Variants in AHCYL2 observed in about 807,000 individuals in gnomAD.
AHCYL2 encodes S-adenosylhomocysteine hydrolase-like protein 2.
In AHCYL2, 28 loss-of-function variants were observed where a neutral mutation model predicts 81.4. That is an observed-to-expected ratio of 0.34 (90% CI 0.25 to 0.47). The LOEUF (loss-of-function observed/expected upper bound fraction) is 0.47, where lower values mean the gene tolerates loss of function less well. Among genes scored for constraint, AHCYL2 ranks in the 20% least tolerant of loss-of-function variants. The probability of loss-of-function intolerance (pLI) is 1.00; values close to 1 mark genes in which losing one functional copy is unlikely to be tolerated. For missense variants in AHCYL2, 551 were observed against 785.1 expected (o/e 0.70, Z 3.56); for synonymous variants, 272 against 290.2 (o/e 0.94, Z 0.64).
chr7:129,335,272 T>C (rs1473674656), intron 1 of AHCYL2, among the ~76,000 whole-genome samples: 1 of 151,620 alleles, frequency 6.6e-6, no homozygotes, highest in Non-Finnish European at 1.5e-5. Context: ...ACTGGGGAGG[T>C]TGAAGCAGGA....
At chr7:129,352,434 T>C (rs946027571) in intron 1 of AHCYL2, among the ~76,000 whole-genome samples, 36 of 152,134 alleles carry the variant, frequency 2.4e-4, no homozygotes, top group Non-Finnish European at 1.5e-4. Context: ...TACCTATCTA[T>C]ATATATACTG....
chr7:129,305,813 C>T (rs1229258616), intron 1 of AHCYL2, among the ~76,000 whole-genome samples: 1 of 152,126 alleles, frequency 6.6e-6, no homozygotes, highest in Non-Finnish European at 1.5e-5. Flanking sequence ...TTTTGTATGT[C>T]TGGGAAAGTC....
Position 129,225,314 on chromosome 7 carries a change from G to T in AHCYL2, c.238G>T (p.Val80Leu), listed in dbSNP as rs1794170405. 1.3e-6 allele frequency: 2 copies of T among 1,486,852 alleles called. No homozygotes were observed. Among genetic ancestry groups the T allele is most frequent in the South Asian group, 1.3e-5 (1 of 79,158 alleles). The allele number at this position is 1,486,852 out of a possible 1,614,324, so 92.1% of individuals were successfully genotyped here. ...CGCTCTCAGCCCCGCCGCCGGGAAGGTGCCTCAGGCGTCGGCCATGAAGCG... is the reference window on the plus strand; with the variant it reads ...CGCTCTCAGCCCCGCCGCCGGGAAGTTGCCTCAGGCGTCGGCCATGAAGCG... The part of the protein sequence containing the change: ...AAALSPAAGK[V>L]PQASAMKRSD... The change falls in exon 1 of 17, where the codon GTG becomes TTG. Residue 80 changes from valine (V) to leucine (L), a missense_variant. Val to Leu is a conservative substitution (Grantham distance 32, BLOSUM62 1). This residue lies in a region of AHCYL2 where 235 missense variants were observed against 242.1 expected (regional missense o/e 0.97). Transcript: ENST00000325006.
intron 7 of AHCYL2, among the ~76,000 whole-genome samples, chr7:129,403,860 CAAAAAAAAAA>C (rs34806455): frequency 1.2e-4 from 10 of 80,214 alleles, no homozygotes; most frequent in Admixed American, 2.9e-4. Context: ...GACTCCATCT[CAAAAAAAAAA>C]AAAAAAAAAA....
chr7:129,397,160 T>G, intron 4 of AHCYL2, 62 bp from the exon 5 acceptor site: 1 of 1,372,482 alleles, frequency 7.3e-7, no homozygotes, highest in African/African-American at 1.5e-5. Context: ...TATATAAACT[T>G]TATCTCCTTG....
chr7:129,351,165 A>G (rs1022860652), intron 1 of AHCYL2, among the ~76,000 whole-genome samples: 1 of 152,196 alleles, frequency 6.6e-6, no homozygotes, highest in African/African-American at 2.4e-5. Context: ...ATTTTAAAAC[A>G]AGTCAAAGAT....
intron 1 of AHCYL2, among the ~76,000 whole-genome samples, chr7:129,313,845 G>A (rs1417723192): frequency 2.0e-5 from 3 of 152,086 alleles, no homozygotes; most frequent in African/African-American, 4.8e-5. Context: ...AGTTTAATTG[G>A]TAACACTTTC....
intron 1 of AHCYL2, chr7:129,351,491 G>A (rs766926103): frequency 3.3e-5 from 5 of 152,030 alleles, no homozygotes; most frequent in African/African-American, 7.2e-5. Flanking sequence ...AAAAGACAAA[G>A]GACATTTTAG....
chr7:129,335,606 C>T (rs1270477164), intron 1 of AHCYL2, among the ~76,000 whole-genome samples: 1 of 152,098 alleles, frequency 6.6e-6, no homozygotes, highest in Non-Finnish European at 1.5e-5. Flanking sequence ...TCAGATGGGG[C>T]TACAGTCATC....
chr7:129,424,628 C>A, intron 13 of AHCYL2: 3 of 558,404 alleles, frequency 5.4e-6, no homozygotes, highest in Non-Finnish European at 9.6e-6. Context: ...GTCATATGAC[C>A]ATCTGTATTC....
rs1794190559 is a variant in AHCYL2 at position 129,368,031 on chromosome 7, C to G, written c.364-11607C>G. 3.3e-6 allele frequency: 3 copies of G among 903,682 alleles called. No homozygotes were observed. In the African/African-American group the frequency reaches 5.4e-5, roughly 16 times the overall value. The allele number at this position is 903,682 out of a possible 1,614,324, so 56.0% of individuals were successfully genotyped here. On this transcript the variant is annotated intron_variant, in intron 1 of 16. Coordinates refer to ENST00000325006, the MANE Select transcript of AHCYL2 (RefSeq NM_015328.4). The surrounding 1 kb of genome is among the most constrained non-coding windows in gnomAD (Gnocchi z 4.4). ...ACTCTTGAGAAATGGGAGTGCCTTC[C>G]TGACCTCAGTCTTTATTGATCTTGG...
chr7:129,424,831 G>A lies in AHCYL2; in HGVS notation c.1561-43G>A, dbSNP rs556086177. The A allele has an allele frequency of 5.0e-6, 8 of 1,609,048 alleles. No individual in the cohort carries two copies. In the South Asian group the frequency reaches 6.6e-5, roughly 13 times the overall value. ...CTTCCCTCACTTCTCAAAGGCCAGC[G>A]ACTTTGTCCTAATCCATTTGTGTCT... On this transcript the variant is annotated intron_variant, in intron 13 of 16. Transcript: ENST00000325006.
chr7:129,403,718 G>C (rs1463782869), intron 7 of AHCYL2, among the ~76,000 whole-genome samples: 1 of 151,720 alleles, frequency 6.6e-6, no homozygotes, highest in African/African-American at 2.4e-5. Flanking sequence ...AAAAAAATTA[G>C]CCTGGTGTGG....
Position 129,425,056 on chromosome 7 carries a change from T to C in AHCYL2, c.1630-7T>C. The stretch of plus-strand genomic sequence containing the variant: ...GCACATCAGCATCCATCTCTCTGCT[T>C]TTCTAGGCTCTTGCCTTGATAGAGC... On this transcript the variant is annotated splice_polypyrimidine_tract_variant and splice_region_variant and intron_variant, in intron 14 of 16. Coordinates refer to ENST00000325006, the MANE Select transcript of AHCYL2 (RefSeq NM_015328.4). 1 of 1,613,898 alleles carries C rather than the reference T, an allele frequency of 6.2e-7. No homozygotes were observed. The highest frequency in any genetic ancestry group is 1.1e-5 in the South Asian group (1 of 91,078).
intron 6 of AHCYL2, among the ~76,000 whole-genome samples, chr7:129,400,670 A>G (rs1445562568): frequency 6.6e-6 from 1 of 152,142 alleles, no homozygotes; most frequent in Non-Finnish European, 1.5e-5. Flanking sequence ...TGGCTGGTTA[A>G]AAAACAATAG....
At chr7:129,287,229 G>A (rs1796669018) in intron 1 of AHCYL2, among the ~76,000 whole-genome samples, 1 of 152,100 alleles carries the variant, frequency 6.6e-6, no homozygotes, top group South Asian at 2.1e-4. Flanking sequence ...TAATCTTAGG[G>A]TTATCATGAA....
At position 129,228,152 on chromosome 7, in the gene AHCYL2, T is replaced by C. The variant is rs542655831; in HGVS notation, c.363+2713T>C. Among the ~76,000 whole-genome samples the C allele has an allele frequency of 1.1e-4, 16 of 152,344 alleles. No individual in the cohort carries two copies. The South Asian group carries it at 3.1e-3, about 30-fold the overall frequency. ...TATGAAGGAACTGAGAATACTAGTA[T>C]TGAAATAGCTGCCTTTGGCTGTGGA... is the stretch of plus-strand genomic sequence containing the variant. On this transcript the variant is annotated intron_variant, in intron 1 of 16. Transcript: ENST00000325006.
chr7:129,401,030 G>A (rs980276132), intron 6 of AHCYL2, among the ~76,000 whole-genome samples: 1 of 152,074 alleles, frequency 6.6e-6, no homozygotes, highest in Non-Finnish European at 1.5e-5. Flanking sequence ...TTGCAAAGAG[G>A]CAAAAAGCTA....
Position 129,368,548 on chromosome 7 carries a change from G to A in AHCYL2, c.364-11090G>A. On this transcript the variant is annotated intron_variant, in intron 1 of 16. Coordinates refer to ENST00000325006, the MANE Select transcript of AHCYL2 (RefSeq NM_015328.4). This position sits in a 1 kb window ranked among gnomAD's most constrained non-coding sequence, Gnocchi z 4.4. ...CCTCAGCTTTTCACATGCCTGAGTGGATGGTGAGTTCACTGGTCGTTTTGT... is the reference window on the plus strand; with the variant it reads ...CCTCAGCTTTTCACATGCCTGAGTGAATGGTGAGTTCACTGGTCGTTTTGT... The A allele has an allele frequency of 6.2e-7, 1 of 1,614,008 alleles. No individual in the cohort carries two copies. Among genetic ancestry groups the A allele is most frequent in the Non-Finnish European group, 8.5e-7 (1 of 1,179,886 alleles).
Sources: gnomAD v4.1 joint callset for allele counts (sites outside exome capture counted in the v4.1 genomes callset) on GRCh38, gnomAD v4.1.1 for gene constraint, gnomAD v4.1.1 regional missense constraint, Gnocchi (gnomAD v3.1) non-coding constraint, MANE v1.5 for transcripts, NCBI Gene and HGNC (gene_info 2026-07-23, HGNC 2026-07-21) for gene names.